ASMT: variants seen among roughly 807,000 people sequenced by gnomAD.
ASMT encodes acetylserotonin O-methyltransferase, also known as acetylserotonin N-methyltransferase.
A neutral mutation model predicts 41.3 loss-of-function variants in ASMT; 53 were observed. That is an observed-to-expected ratio of 1.28 (90% CI 1.03 to 1.61). The LOEUF (loss-of-function observed/expected upper bound fraction) is 1.61, where lower values mean the gene tolerates loss of function less well. Among genes scored for constraint, ASMT ranks in the 40% most tolerant of loss-of-function variants. The pLI, the probability that ASMT is intolerant of heterozygous loss-of-function variation, is 0.00. For missense variants in ASMT, 531 were observed against 441.3 expected (o/e 1.20, Z -1.82); for synonymous variants, 231 against 184.8 (o/e 1.25, Z -2.03).
chrX:1,625,815 G>A lies in ASMT; in HGVS notation c.374+1417G>A, dbSNP rs748766676. On this transcript the variant is annotated intron_variant, in intron 3 of 8. Coordinates refer to ENST00000381241, the MANE Select transcript of ASMT (RefSeq NM_001171038.2). ...TAAAAATACAAAAAATTAGCCGGGC[G>A]TGGTGGCGGGCGCCTGTAGTCCCAG... Among the ~76,000 whole-genome samples the A allele has an allele frequency of 2.0e-3, 300 of 151,716 alleles. 1 individual carries two copies. Among genetic ancestry groups the A allele is most frequent in the African/African-American group, 5.7e-3 (235 of 41,438 alleles).
Position 1,615,117 on chromosome X carries a change from T to C in ASMT, c.-83T>C. 3.3e-5 allele frequency: 43 copies of C among 1,307,490 alleles called. No homozygotes were observed. The highest frequency in any genetic ancestry group is 4.7e-5 in the Non-Finnish European group (43 of 923,744). 81.0% of individuals were successfully genotyped at this position (1,307,490 alleles called of 1,614,324 possible). A position where few individuals can be genotyped will look rare whatever the true frequency, so the allele number is the denominator to read the frequency against. ...GGCAGCAGCTGTGAGCGGGTGGCTC[T>C]TCCCCACCTTGCCAGCAGGCTCTGT... On this transcript the variant is annotated 5_prime_UTR_variant, in exon 1 of 9. Coordinates refer to ENST00000381241, the MANE Select transcript of ASMT (RefSeq NM_001171038.2).
chrX:1,636,686 T>G, intron 8 of ASMT, 126 bp downstream of exon 8: 1 of 1,439,324 alleles, frequency 6.9e-7, no homozygotes, highest in Non-Finnish European at 9.8e-7. Flanking sequence ...CCAATATGGC[T>G]TTCCTTTTAG....
Position 1,635,598 on chromosome X carries a change from A to G in ASMT, c.788-840A>G, listed in dbSNP as rs762060916. Among the ~76,000 whole-genome samples, 948 of 152,094 alleles carry G rather than the reference A, an allele frequency of 6.2e-3. 13 individuals are homozygous for G. The highest frequency in any genetic ancestry group is 0.022 in the African/African-American group (896 of 41,546). On this transcript the variant is annotated intron_variant, in intron 7 of 8. Transcript: ENST00000381241. ...GAACATGGGCCGGGCACAGCAGCTC[A>G]TGCCTGTAATCCCAGCACTTTGGGA... is the stretch of plus-strand genomic sequence containing the variant.
In ASMT at chrX:1,636,105, G is replaced by A. The variant is rs751464619; in HGVS notation, c.788-333G>A. The A allele has an allele frequency of 3.4e-4, 123 of 358,560 alleles. 1 individual carries two copies. Among genetic ancestry groups the A allele is most frequent in the South Asian group, 1.6e-3 (71 of 44,840 alleles). 22.2% of individuals were successfully genotyped at this position (358,560 alleles called of 1,614,324 possible). On this transcript the variant is annotated intron_variant, in intron 7 of 8. Coordinates refer to ENST00000381241, the MANE Select transcript of ASMT (RefSeq NM_001171038.2). Reference sequence around the variant, plus strand: ...CGAGTAGCTGGGACCACAGGCACCCGCCATCACGCCCGGCTAATTTTTTTT... The same window carrying A: ...CGAGTAGCTGGGACCACAGGCACCCACCATCACGCCCGGCTAATTTTTTTT...
chrX:1,615,756 C>G (rs111361922), intron 1 of ASMT, among the ~76,000 whole-genome samples: 3 of 151,238 alleles, frequency 2.0e-5, no homozygotes, highest in Admixed American at 6.6e-5. Flanking sequence ...GAGCCGAGAT[C>G]GCACCACTGC....
intron 8 of ASMT, among the ~76,000 whole-genome samples, chrX:1,640,476 C>T (rs1461649122): frequency 6.4e-5 from 3 of 47,156 alleles, no homozygotes; most frequent in African/African-American, 2.0e-4. Flanking sequence ...CATGTCCCAG[C>T]TCTCCTGTGA....
intron 4 of ASMT, among the ~76,000 whole-genome samples, chrX:1,628,220 C>A (rs1222777565): frequency 1.3e-5 from 2 of 152,178 alleles, no homozygotes; most frequent in Admixed American, 1.3e-4. Context: ...AGTCGGGAGG[C>A]TGAGGCAGGA....
In ASMT at chrX:1,629,921, C is replaced by T; in HGVS notation, c.544C>T (p.Leu182Phe). 1 of 1,613,934 alleles carries T rather than the reference C, an allele frequency of 6.2e-7. No individual in the cohort carries two copies. The highest frequency in any genetic ancestry group is 1.3e-5 in the African/African-American group (1 of 75,048). ...LTAFDLSVFP[L>F]MCDLGGTWIK... The stretch of plus-strand genomic sequence containing the variant: ...CGCCTTTGACCTGTCAGTGTTCCCA[C>T]TTATGTGTGACCTTGGTGGTAAGTA... The change falls in exon 5 of 9, where the codon CTT becomes TTT. Residue 182 changes from leucine to phenylalanine, a missense_variant. Transcript: ENST00000381241.
chrX:1,615,262 G>C lies in ASMT; in HGVS notation c.63G>C (p.Val21=). The change falls in exon 1 of 9, where the codon GTG becomes GTC. Residue 21 remains valine, a synonymous_variant. Transcript: ENST00000381241. ...LLNDYANGFM[V]SQVLFAACEL... ...ATGACTACGCCAACGGCTTCATGGTGTCCCAGGTAGGATACGCTCTGTGGG... is the reference window on the plus strand; with the variant it reads ...ATGACTACGCCAACGGCTTCATGGTCTCCCAGGTAGGATACGCTCTGTGGG... 6.3e-7 allele frequency: 1 copy of C among 1,592,132 alleles called. No individual in the cohort carries two copies. Among genetic ancestry groups the C allele is most frequent in the Non-Finnish European group, 8.6e-7 (1 of 1,169,266 alleles).
intron 4 of ASMT, among the ~76,000 whole-genome samples, chrX:1,628,564 G>A (rs1404167634): frequency 3.3e-5 from 5 of 151,866 alleles, no homozygotes; most frequent in African/African-American, 1.2e-4. Context: ...TGAGTGGTTC[G>A]CCTGCCCCCC....
intron 1 of ASMT, among the ~76,000 whole-genome samples, chrX:1,619,204 G>T (rs770884539): frequency 6.6e-6 from 1 of 151,978 alleles, no homozygotes; most frequent in Admixed American, 6.6e-5. Flanking sequence ...GACCAGCCTG[G>T]CCAATATGGT....
chrX:1,641,691 G>C lies in ASMT; in HGVS notation c.911-1112G>C, dbSNP rs758097049. Among the ~76,000 whole-genome samples, 11 of 147,592 alleles carry C rather than the reference G, an allele frequency of 7.5e-5. No homozygotes were observed. In the East Asian group the frequency reaches 1.5e-3, roughly 19 times the overall value. ...GTACATGGACACAGCCTCTCTGTGT[G>C]AGATGGGGACAGTGTCCCAGTTCTC... On this transcript the variant is annotated intron_variant, in intron 8 of 8. Transcript: ENST00000381241.
At chrX:1,629,735 G>GT in intron 4 of ASMT, 86 bp from the exon 5 acceptor site, 1 of 1,250,372 alleles carries the variant, frequency 8.0e-7, no homozygotes. Context: ...GTATAGCTCC[G>GT]TTCTCAACAG....
intron 8 of ASMT, among the ~76,000 whole-genome samples, chrX:1,636,942 C>G (rs61578086): frequency 0.13 from 10,313 of 78,506 alleles, 852 homozygotes; most frequent in East Asian, 0.5. Context: ...TGTCCCAGCT[C>G]TCCTGTGAGG....
rs1569383786 is a variant in ASMT at position 1,636,538 on chromosome X, GA to G, written c.889del (p.Ile297SerfsTer13). 1.2e-6 allele frequency: 2 copies of G among 1,613,396 alleles called. No individual in the cohort carries two copies. Among genetic ancestry groups the G allele is most frequent in the Non-Finnish European group, 1.7e-6 (2 of 1,179,822 alleles). ...DGKCSHLLER[I>X]YHTCKPGGGI... is the part of the protein sequence containing the mutation. ...GAAAGTGCTCACACCTGCTGGAGAG[GA>G]TCTACCACACTTGCAAGCCAGGTAA... On this transcript the variant is annotated frameshift_variant, in exon 8 of 9. Transcript: ENST00000381241. LOFTEE classifies it high-confidence loss of function.
intron 3 of ASMT, among the ~76,000 whole-genome samples, chrX:1,626,323 C>T (rs1342731637): frequency 6.6e-5 from 10 of 150,834 alleles, no homozygotes; most frequent in Admixed American, 6.7e-5. Flanking sequence ...CAACCTCCGC[C>T]TCCTGGGTTT....
At chrX:1,621,314 A>G in intron 1 of ASMT, among the ~76,000 whole-genome samples, 1 of 151,986 alleles carries the variant, frequency 6.6e-6, no homozygotes, top group Non-Finnish European at 1.5e-5. Context: ...TGGATGATTT[A>G]TTCTTGTTTT....
chrX:1,616,383 A>C (rs1934110783), intron 1 of ASMT, among the ~76,000 whole-genome samples: 2 of 151,328 alleles, frequency 1.3e-5, no homozygotes, highest in Non-Finnish European at 3.0e-5. Flanking sequence ...ATTTATATGA[A>C]ATGTGCAGAG....
intron 7 of ASMT, among the ~76,000 whole-genome samples, chrX:1,634,210 C>T (rs1452960331): frequency 6.6e-6 from 1 of 152,196 alleles, no homozygotes; most frequent in Non-Finnish European, 1.5e-5. Flanking sequence ...TGAAAGAATA[C>T]AGATGCATAT....
Sources: allele counts gnomAD v4.1 joint callset (sites outside exome capture counted in the v4.1 genomes callset), GRCh38; gene constraint gnomAD v4.1.1; transcripts MANE v1.5; gene names NCBI Gene and HGNC (gene_info 2026-07-23, HGNC 2026-07-21).